The following SLC24A2 variants were observed in gnomAD, a reference collection of about 807,000 sequenced individuals.
SLC24A2 encodes the protein solute carrier family 24 member 2.
A neutral mutation model predicts 62.0 loss-of-function variants in SLC24A2; 36 were observed. That is an observed-to-expected ratio of 0.58 (90% CI 0.44 to 0.77). The LOEUF is 0.77. Among genes scored for constraint, SLC24A2 ranks in the 30% least tolerant of loss-of-function variants. The probability of loss-of-function intolerance (pLI) is 0.00; values close to 1 mark genes in which losing one functional copy is unlikely to be tolerated. For synonymous variants in SLC24A2, 358 were observed against 294.0 expected (o/e 1.22, Z -2.23); for missense variants, 846 against 817.9 (o/e 1.03, Z -0.42).
intron 4 of SLC24A2, among the ~76,000 whole-genome samples, chr9:19,609,380 G>T (rs542043717): frequency 5.9e-5 from 9 of 152,182 alleles, no homozygotes; most frequent in African/African-American, 2.2e-4. Flanking sequence ...AGGAGACCCC[G>T]GTGGCCTCTG....
At chr9:19,871,931 T>G in the SLC24A2 span, among the ~76,000 whole-genome samples, 19 of 152,300 alleles carry the variant, frequency 1.2e-4, no homozygotes, top group Admixed American at 9.2e-4. Context: ...TTAACAAACT[T>G]GCAATTTTGA....
chr9:19,739,107 ACT>A (rs1821598024), intron 2 of SLC24A2, among the ~76,000 whole-genome samples: 2 of 152,162 alleles, frequency 1.3e-5, no homozygotes, highest in Admixed American at 1.3e-4. Flanking sequence ...ACAGAGTGAG[ACT>A]CTGTTCCCTC....
At chr9:19,548,789 A>T (rs1054732043) in intron 8 of SLC24A2, among the ~76,000 whole-genome samples, 2 of 152,162 alleles carry the variant, frequency 1.3e-5, no homozygotes, top group African/African-American at 2.4e-5. Context: ...AGCCACTGGG[A>T]CTTCTCTCAT....
chr9:20,045,695 A>T, the SLC24A2 span, among the ~76,000 whole-genome samples: 3 of 151,990 alleles, frequency 2.0e-5, no homozygotes, highest in African/African-American at 7.2e-5. Flanking sequence ...CCTCCCAAAG[A>T]GCTGGAATTA....
intron 2 of SLC24A2, among the ~76,000 whole-genome samples, chr9:19,650,258 A>T (rs1818760391): frequency 6.6e-6 from 1 of 152,214 alleles, no homozygotes; most frequent in Admixed American, 6.5e-5. Context: ...ACAAAAGCAT[A>T]ATGGTACTAA....
At chr9:19,819,024 A>G in the SLC24A2 span, among the ~76,000 whole-genome samples, 2 of 91,088 alleles carry the variant, frequency 2.2e-5, no homozygotes, top group African/African-American at 6.4e-5. Flanking sequence ...AATAGAACAG[A>G]GAATCCAGAA....
chr9:19,820,251 TAAG>T, the SLC24A2 span, among the ~76,000 whole-genome samples: 2 of 147,468 alleles, frequency 1.4e-5, no homozygotes, highest in Non-Finnish European at 3.0e-5. Context: ...CGCAAAGGCA[TAAG>T]AATGATACAA....
the SLC24A2 span, among the ~76,000 whole-genome samples, chr9:20,007,298 G>A: frequency 6.6e-6 from 1 of 152,158 alleles, no homozygotes; most frequent in African/African-American, 2.4e-5. Context: ...TCTCTTGGAA[G>A]TGGCTGCTGG....
intron 2 of SLC24A2, among the ~76,000 whole-genome samples, chr9:19,760,599 G>A (rs540788236): frequency 6.6e-6 from 1 of 151,906 alleles, no homozygotes; most frequent in East Asian, 2.0e-4. Flanking sequence ...TCCCACTTAT[G>A]AATGAGAACA....
the SLC24A2 span, among the ~76,000 whole-genome samples, chr9:20,105,005 C>G: frequency 6.6e-6 from 1 of 152,282 alleles, no homozygotes; most frequent in East Asian, 1.9e-4. Flanking sequence ...GGAGGAAGAT[C>G]TACCAAGCAA....
chr9:20,040,497 G>C, the SLC24A2 span, among the ~76,000 whole-genome samples: 279 of 152,236 alleles, frequency 1.8e-3, 1 homozygote, highest in African/African-American at 6.3e-3. Context: ...GGTCTTGCTG[G>C]CTCTATCCCA....
Position 19,514,807 on chromosome 9 carries a change from A to C in SLC24A2, c.*1346T>G, listed in dbSNP as rs1260794910. On this transcript the variant is annotated 3_prime_UTR_variant, in exon 11 of 11. Coordinates refer to ENST00000341998, the MANE Select transcript of SLC24A2 (RefSeq NM_020344.4). ...TGGTCCTGGTACCACTCGACCTGGCACTCAGAAACCTTCCTGGGGTGCACT... is the reference window on the plus strand; with the variant it reads ...TGGTCCTGGTACCACTCGACCTGGCCCTCAGAAACCTTCCTGGGGTGCACT... 6.6e-6 allele frequency: 1 copy of C among 152,214 alleles called. No homozygotes were observed. Among genetic ancestry groups the C allele is most frequent in the Non-Finnish European group, 1.5e-5 (1 of 68,052 alleles). The allele number at this position is 152,214 out of a possible 1,614,324, so 9.4% of individuals were successfully genotyped here.
intron 3 of SLC24A2, 52 bp from the exon 4 acceptor site, chr9:19,619,744 C>A: frequency 7.4e-7 from 1 of 1,355,006 alleles, no homozygotes; most frequent in Non-Finnish European, 1.1e-6. Flanking sequence ...AAGACAAGTG[C>A]ATTATAGACA....
At chr9:20,255,827 C>A in the SLC24A2 span, among the ~76,000 whole-genome samples, 1 of 152,160 alleles carries the variant, frequency 6.6e-6, no homozygotes, top group African/African-American at 2.4e-5. Flanking sequence ...ACTTAATCTG[C>A]CACATCATTC....
chr9:20,024,460 T>C, the SLC24A2 span, among the ~76,000 whole-genome samples: 4,528 of 152,288 alleles, frequency 0.03, 221 homozygotes, highest in African/African-American at 0.1. Context: ...CTTCAGCAAG[T>C]AGGTTACTAC....
intron 2 of SLC24A2, among the ~76,000 whole-genome samples, chr9:19,727,618 A>G (rs1287983943): frequency 6.6e-6 from 1 of 152,232 alleles, no homozygotes; most frequent in Non-Finnish European, 1.5e-5. Context: ...GGATGAATGA[A>G]TATGACATCT....
chr9:19,869,985 C>A, the SLC24A2 span, among the ~76,000 whole-genome samples: 2 of 152,310 alleles, frequency 1.3e-5, no homozygotes, highest in Non-Finnish European at 2.9e-5. Flanking sequence ...GATTTCTACA[C>A]TTCATCCTTA....
At chr9:20,290,612 G>T in the SLC24A2 span, among the ~76,000 whole-genome samples, 2 of 152,224 alleles carry the variant, frequency 1.3e-5, no homozygotes, top group African/African-American at 4.8e-5. Context: ...CTGTTGTGAC[G>T]CCACCACCTG....
At chr9:19,581,840 C>G (rs781598705) in intron 5 of SLC24A2, among the ~76,000 whole-genome samples, 1 of 152,078 alleles carries the variant, frequency 6.6e-6, no homozygotes, top group Admixed American at 6.5e-5. Flanking sequence ...TTTTTGAGTA[C>G]TTTTCAAGGT....
Sources: gnomAD v4.1 joint callset for allele counts (sites outside exome capture counted in the v4.1 genomes callset) on GRCh38, gnomAD v4.1.1 for gene constraint, MANE v1.5 for transcripts, NCBI Gene and HGNC (gene_info 2026-07-23, HGNC 2026-07-21) for gene names.